The following LRP1B variants were observed in gnomAD, a reference collection of about 807,000 sequenced individuals.
The protein encoded by LRP1B is LDL receptor related protein 1B.
A neutral mutation model predicts 556.6 loss-of-function variants in LRP1B; 217 were observed. The ratio of observed to expected loss-of-function variants is 0.39; its 90% CI spans 0.35 to 0.44. The LOEUF (loss-of-function observed/expected upper bound fraction) is 0.44, where lower values mean the gene tolerates loss of function less well. Ranked by LOEUF, LRP1B falls within the 20% of genes least tolerant of loss-of-function variation. The pLI, the probability that LRP1B is intolerant of heterozygous loss-of-function variation, is 1.00. For synonymous variants in LRP1B, 2,047 were observed against 1,865.8 expected (o/e 1.10, Z -2.50); for missense variants, 5,053 against 5,620.8 (o/e 0.90, Z 3.23).
At chr2:141,712,490 C>G (rs891130675) in intron 2 of LRP1B, among the ~76,000 whole-genome samples, 8 of 152,044 alleles carry the variant, frequency 5.3e-5, no homozygotes, top group Non-Finnish European at 1.2e-4. Context: ...GGATCCTGAG[C>G]AAGCCACCAT....
intron 20 of LRP1B, among the ~76,000 whole-genome samples, chr2:140,948,943 G>T (rs1221966712): frequency 6.6e-6 from 1 of 152,236 alleles, no homozygotes; most frequent in Non-Finnish European, 1.5e-5. Context: ...AGAAGTTACA[G>T]TTTAAAGAGA....
At chr2:140,977,455 A>C (rs1314139831) in intron 18 of LRP1B, among the ~76,000 whole-genome samples, 1 of 152,190 alleles carries the variant, frequency 6.6e-6, no homozygotes, top group Non-Finnish European at 1.5e-5. Context: ...ATTTGTAAGG[A>C]TAATTGCTTC....
intron 1 of LRP1B, among the ~76,000 whole-genome samples, chr2:141,885,694 T>C (rs1699090923): frequency 6.6e-6 from 1 of 152,216 alleles, no homozygotes; most frequent in Non-Finnish European, 1.5e-5. Flanking sequence ...TGAGTGACTT[T>C]CAATTTGAGA....
intron 7 of LRP1B, among the ~76,000 whole-genome samples, chr2:141,179,973 G>A (rs983169941): frequency 6.6e-6 from 1 of 150,578 alleles, no homozygotes; most frequent in Non-Finnish European, 1.5e-5. Context: ...TTACAGAGTG[G>A]TAATGTATAA....
At position 140,562,287 on chromosome 2, in the gene LRP1B, G is replaced by T. The variant is rs865843072; in HGVS notation, c.7195-20316C>A. Among the ~76,000 whole-genome samples, 24 of 152,174 alleles carry T rather than the reference G, an allele frequency of 1.6e-4. 1 individual carries two copies. Among genetic ancestry groups the T allele is most frequent in the African/African-American group, 5.3e-4 (22 of 41,538 alleles). On this transcript the variant is annotated intron_variant, in intron 43 of 90. Coordinates refer to ENST00000389484, the MANE Select transcript of LRP1B (RefSeq NM_018557.3). ...TTGATAAATTAAGGAACCATTATTC[G>T]AAAATATACTAATGGTTTTGCAATA...
chr2:141,461,417 A>T (rs967617739), intron 3 of LRP1B, among the ~76,000 whole-genome samples: 3 of 152,206 alleles, frequency 2.0e-5, no homozygotes, highest in African/African-American at 4.8e-5. Context: ...TGCTTAATAG[A>T]GATGAAAAGT....
rs1264300219 is a variant in LRP1B at position 141,999,307 on chromosome 2, T to TG, written c.82+131340dup. Among the ~76,000 whole-genome samples, 9 of 152,012 alleles carry TG rather than the reference T, an allele frequency of 5.9e-5. No homozygotes were observed. The East Asian group carries it at 1.7e-3, about 30-fold the overall frequency. On this transcript the variant is annotated intron_variant, in intron 1 of 90. Coordinates refer to ENST00000389484, the MANE Select transcript of LRP1B (RefSeq NM_018557.3). ...ATTTTGGAATGCTCTTGGCTGAGAG[T>TG]GGGGGTCCATCAGTTGCTTGGAAGG...
intron 1 of LRP1B, 117 bp downstream of exon 1, chr2:142,130,531 C>G (rs1316178050): frequency 9.4e-6 from 8 of 846,740 alleles, no homozygotes; most frequent in Non-Finnish European, 1.5e-5. Context: ...GGTGGTCACC[C>G]GGTCCCGGGG....
At chr2:141,350,060 C>T (rs1688390622) in intron 3 of LRP1B, among the ~76,000 whole-genome samples, 1 of 151,978 alleles carries the variant, frequency 6.6e-6, no homozygotes, top group Admixed American at 6.6e-5. Context: ...AGGGAAACTC[C>T]CGTTTTTAAA....
chr2:140,789,656 A>T (rs1474518978), intron 32 of LRP1B, among the ~76,000 whole-genome samples: 2 of 83,996 alleles, frequency 2.4e-5, no homozygotes, highest in African/African-American at 8.8e-5. Context: ...TTTGAGACGG[A>T]GTCTCGCTCT....
intron 33 of LRP1B, among the ~76,000 whole-genome samples, chr2:140,772,545 A>G (rs933557156): frequency 6.6e-6 from 1 of 152,102 alleles, no homozygotes; most frequent in Non-Finnish European, 1.5e-5. Context: ...CCTGACATCC[A>G]GTGATCCATC....
chr2:140,867,470 G>A (rs1356168952), intron 27 of LRP1B, 120 bp downstream of exon 27: 1 of 1,076,656 alleles, frequency 9.3e-7, no homozygotes, highest in Non-Finnish European at 1.3e-6. Flanking sequence ...TTCCCTCATA[G>A]AGTATGCGTA....
intron 41 of LRP1B, among the ~76,000 whole-genome samples, chr2:140,672,482 T>A (rs1487376303): frequency 9.8e-5 from 8 of 81,578 alleles, no homozygotes; most frequent in East Asian, 4.0e-4. Flanking sequence ...AGACTCCATC[T>A]AAAAAAAAAA....
In LRP1B at chr2:140,949,836, G is replaced by A. The variant is rs568780708; in HGVS notation, c.3136+399C>T. Among the ~76,000 whole-genome samples, 3 of 151,236 alleles carry A rather than the reference G, an allele frequency of 2.0e-5. No individual in the cohort carries two copies. The South Asian group carries it at 6.3e-4, about 32-fold the overall frequency. ...GTGCCTGTAGTCCCAGCTACTTGGA[G>A]GATGAGGCAGGAGAATGACGTAAAC... On this transcript the variant is annotated intron_variant, in intron 20 of 90. Transcript: ENST00000389484.
At chr2:142,090,766 T>C (rs1208850333) in intron 1 of LRP1B, among the ~76,000 whole-genome samples, 1 of 152,134 alleles carries the variant, frequency 6.6e-6, no homozygotes, top group African/African-American at 2.4e-5. Flanking sequence ...GGAAATTTCA[T>C]CTTCTAAAAA....
intron 12 of LRP1B, 96 bp downstream of exon 12, chr2:141,019,826 T>C: frequency 2.2e-6 from 2 of 914,292 alleles, no homozygotes; most frequent in East Asian, 2.8e-5. Flanking sequence ...AAATCAGCTA[T>C]ACATATGGAT....
At chr2:141,480,930 C>T (rs1369110234) in intron 2 of LRP1B, among the ~76,000 whole-genome samples, 1 of 152,076 alleles carries the variant, frequency 6.6e-6, no homozygotes, top group African/African-American at 2.4e-5. Context: ...CCGCAGATCT[C>T]TTGTTAGAAT....
At chr2:140,332,187 TCA>T (rs1342119850) in intron 79 of LRP1B, among the ~76,000 whole-genome samples, 9 of 152,098 alleles carry the variant, frequency 5.9e-5, no homozygotes, top group South Asian at 2.1e-4. Context: ...ATGTCACTTT[TCA>T]CACAGTTTTT....
At chr2:141,748,090 A>G (rs1195881207) in intron 2 of LRP1B, among the ~76,000 whole-genome samples, 1 of 152,170 alleles carries the variant, frequency 6.6e-6, no homozygotes, top group East Asian at 1.9e-4. Context: ...ATAAAATTTG[A>G]TTACACCAAA....
Sources: gnomAD v4.1 joint callset for allele counts (sites outside exome capture counted in the v4.1 genomes callset) on GRCh38, gnomAD v4.1.1 for gene constraint, MANE v1.5 for transcripts, NCBI Gene and HGNC (gene_info 2026-07-23, HGNC 2026-07-21) for gene names.